Variants in SH3RF2 observed in about 807,000 individuals in gnomAD.
SH3RF2 encodes the protein SH3 domain containing ring finger 2.
SH3RF2 carries 43 observed loss-of-function variants against 59.0 expected under a neutral mutation model. That is an observed-to-expected ratio of 0.73 (90% CI 0.57 to 0.94). The LOEUF is 0.94. Ranked by LOEUF, SH3RF2 falls within the 40% of genes least tolerant of loss-of-function variation. The pLI, the probability that SH3RF2 is intolerant of heterozygous loss-of-function variation, is 0.00. For synonymous variants in SH3RF2, 391 were observed against 391.5 expected (o/e 1.00, Z 0.01); for missense variants, 930 against 940.1 (o/e 0.99, Z 0.14).
chr5:145,963,768 A>T (rs1425591372), intron 2 of SH3RF2, among the ~76,000 whole-genome samples: 3 of 150,672 alleles, frequency 2.0e-5, no homozygotes, highest in Non-Finnish European at 4.4e-5. Context: ...CCTCAGCCCC[A>T]GCTCTTTGAT....
chr5:145,987,315 CTTAT>C (rs1444699349), intron 2 of SH3RF2, among the ~76,000 whole-genome samples: 1 of 152,098 alleles, frequency 6.6e-6, no homozygotes, highest in Non-Finnish European at 1.5e-5. Context: ...TATACTGCAC[CTTAT>C]TTGAGTTCTT....
chr5:146,064,848 GAAA>G (rs1561773894), downstream of SH3RF2, among the ~76,000 whole-genome samples: 3 of 16,944 alleles, frequency 1.8e-4, no homozygotes, highest in Non-Finnish European at 1.8e-3. Flanking sequence ...AAGAAAGAAA[GAAA>G]GAAAGAAAGA....
intron 2 of SH3RF2, among the ~76,000 whole-genome samples, chr5:145,946,103 T>C (rs1451811930): frequency 4.6e-5 from 7 of 152,256 alleles, no homozygotes; most frequent in African/African-American, 1.7e-4. Context: ...CTGGGGCCTG[T>C]GCCAGTCCCC....
At chr5:146,010,979 C>T (rs188321223) in intron 4 of SH3RF2, among the ~76,000 whole-genome samples, 1 of 152,104 alleles carries the variant, frequency 6.6e-6, no homozygotes, top group East Asian at 1.9e-4. Flanking sequence ...AATGGTATTG[C>T]CTAGGTTTTC....
intron 2 of SH3RF2, among the ~76,000 whole-genome samples, chr5:145,981,447 CCA>C (rs1759503493): frequency 6.6e-6 from 1 of 152,140 alleles, no homozygotes; most frequent in Non-Finnish European, 1.5e-5. Flanking sequence ...TCACCAAGAT[CCA>C]CACATTGCAG....
intron 2 of SH3RF2, among the ~76,000 whole-genome samples, chr5:145,939,364 T>A (rs1757722150): frequency 1.3e-5 from 2 of 152,172 alleles, no homozygotes; most frequent in African/African-American, 4.8e-5. Flanking sequence ...AGGAATAACG[T>A]GTGGGAGGGT....
At chr5:145,997,628 G>A (rs1299422896) in intron 2 of SH3RF2, 2 of 1,584,290 alleles carry the variant, frequency 1.3e-6, no homozygotes, top group East Asian at 4.5e-5. Flanking sequence ...CTTATCCTCT[G>A]GGACTGGCCA....
chr5:145,975,047 G>A (rs1406588556), intron 2 of SH3RF2, among the ~76,000 whole-genome samples: 1 of 152,140 alleles, frequency 6.6e-6, no homozygotes, highest in East Asian at 1.9e-4. Context: ...CTACAGCCAA[G>A]CTATGTCCAG....
intron 6 of SH3RF2, 55 bp from the exon 7 acceptor site, chr5:146,049,020 C>G (rs764452269): frequency 1.3e-6 from 2 of 1,596,772 alleles, no homozygotes; most frequent in Non-Finnish European, 1.7e-6. Flanking sequence ...CCACTCCATG[C>G]CCCCCATCAG....
At chr5:145,958,748 T>C (rs1758512874) in intron 2 of SH3RF2, among the ~76,000 whole-genome samples, 1 of 152,160 alleles carries the variant, frequency 6.6e-6, no homozygotes, top group African/African-American at 2.4e-5. Context: ...CACTTCATAT[T>C]TCACCAAACT....
chr5:146,023,270 A>G (rs2906820), intron 5 of SH3RF2, among the ~76,000 whole-genome samples: 99,571 of 151,696 alleles, frequency 0.66, 33,027 homozygotes, highest in Middle Eastern at 0.82. Context: ...GTGTAGTGGC[A>G]TGATCTTGGC....
intron 5 of SH3RF2, among the ~76,000 whole-genome samples, chr5:146,018,173 T>C (rs923781637): frequency 6.6e-6 from 1 of 152,162 alleles, no homozygotes; most frequent in African/African-American, 2.4e-5. Context: ...TGGTGAAGTC[T>C]GAGATTTTAA....
intron 2 of SH3RF2, among the ~76,000 whole-genome samples, chr5:145,980,228 G>A (rs1759457345): frequency 6.6e-6 from 1 of 152,134 alleles, no homozygotes; most frequent in Admixed American, 6.5e-5. Flanking sequence ...GAAGCTAATT[G>A]ACACCCACAC....
chr5:146,062,396 T>C, intron 9 of SH3RF2, 30 bp from the exon 10 acceptor site: 2 of 1,606,846 alleles, frequency 1.2e-6, no homozygotes, highest in Non-Finnish European at 8.5e-7. Flanking sequence ...CCACCTCACC[T>C]GTGTCCATTT....
intron 2 of SH3RF2, among the ~76,000 whole-genome samples, chr5:145,956,535 C>CA (rs999664678): frequency 6.6e-6 from 1 of 152,200 alleles, no homozygotes; most frequent in Non-Finnish European, 1.5e-5. Context: ...CTCAGCCCCC[C>CA]AAAGTGCTGG....
intron 2 of SH3RF2, among the ~76,000 whole-genome samples, chr5:145,999,316 T>C (rs1289003575): frequency 6.6e-6 from 1 of 152,208 alleles, no homozygotes; most frequent in African/African-American, 2.4e-5. Flanking sequence ...CACAAACCAG[T>C]CAAACTTTCT....
chr5:146,047,789 C>A lies in SH3RF2; in HGVS notation c.1077C>A (p.Pro359=). 1 of 1,614,128 alleles carries A rather than the reference C, an allele frequency of 6.2e-7. No homozygotes were observed. Among genetic ancestry groups the A allele is most frequent in the Middle Eastern group, 1.6e-4 (1 of 6,062 alleles). ...SCVGQVSTYH[P]APVSPGHSTA... ...CTGTGCAGGTCAGCACTTATCACCC[C>A]GCACCTGTCTCTCCAGGACATTCCA... Residue 359 remains proline, a synonymous_variant, in exon 6 of 10, where the codon CCC becomes CCA. Transcript: ENST00000359120.
rs1430687582 is a variant in SH3RF2, at chr5:146,000,106, G to A, written c.427G>A (p.Asp143Asn). The A allele has an allele frequency of 1.1e-5, 17 of 1,613,466 alleles. No homozygotes were observed. Among genetic ancestry groups the A allele is most frequent in the Non-Finnish European group, 1.4e-5 (17 of 1,179,780 alleles). Reference protein sequence around the residue: ...LCNYRGQNPGDLRFNKGDIIL... With the variant: ...LCNYRGQNPGNLRFNKGDIIL... ...CAACTACAGAGGGCAGAATCCCGGTGACCTAAGGTTTAATAAGGGAGATAT... is the reference window on the plus strand; with the variant it reads ...CAACTACAGAGGGCAGAATCCCGGTAACCTAAGGTTTAATAAGGGAGATAT... Residue 143 changes from aspartate to asparagine, a missense_variant, in exon 3 of 10, where the codon GAC (aspartate) becomes AAC (asparagine). Coordinates refer to ENST00000359120, the MANE Select transcript of SH3RF2 (RefSeq NM_152550.4).
intron 5 of SH3RF2, among the ~76,000 whole-genome samples, chr5:146,022,425 C>T (rs1761356769): frequency 1.3e-5 from 2 of 152,158 alleles, no homozygotes; most frequent in South Asian, 4.1e-4. Context: ...CCAGGTTTGT[C>T]TTAAACTCCT....
Sources: allele counts gnomAD v4.1 joint callset (sites outside exome capture counted in the v4.1 genomes callset), GRCh38; gene constraint gnomAD v4.1.1; transcripts MANE v1.5; gene names NCBI Gene and HGNC (gene_info 2026-07-23, HGNC 2026-07-21).